COG5: variants seen among roughly 807,000 people sequenced by gnomAD.
COG5 encodes the protein component of oligomeric golgi complex 5.
Under a neutral mutation model 110.4 loss-of-function variants are expected in COG5, and 86 were observed. The ratio of observed to expected loss-of-function variants is 0.78; its 90% confidence interval spans 0.65 to 0.93. COG5 has a LOEUF of 0.93. Among genes scored for constraint, COG5 ranks in the 40% least tolerant of loss-of-function variants. COG5 has a pLI of 0.00. For synonymous variants in COG5, 360 were observed against 334.6 expected, an observed-to-expected ratio of 1.08 and a Z score of -0.83; for missense variants, 1,077 against 987.0, an observed-to-expected ratio of 1.09 and a Z score of -1.22.
At chr7:107,353,011 G>A (rs1812301971) in intron 10 of COG5, among the ~76,000 whole-genome samples, 1 of 152,148 alleles carries the variant, frequency 6.6e-6, no homozygotes, top group Non-Finnish European at 1.5e-5. Context: ...ATTAGACAGT[G>A]ATAATAAAAC....
chr7:107,210,675 C>T (rs189168150), intron 20 of COG5, 70 bp from the exon 21 acceptor site: 23 of 1,481,478 alleles, frequency 1.6e-5, no homozygotes, highest in Admixed American at 1.2e-4. Flanking sequence ...AGTGCTGGTT[C>T]GAAAAGCACT....
At chr7:107,405,702 G>C (rs1379879208) in intron 7 of COG5, among the ~76,000 whole-genome samples, 1 of 152,186 alleles carries the variant, frequency 6.6e-6, no homozygotes, top group Non-Finnish European at 1.5e-5. Context: ...GCAATAGTCT[G>C]AATGTTTGTG....
chr7:107,557,247 G>GGGAAA (rs1803391557), intron 2 of COG5, among the ~76,000 whole-genome samples: 1 of 151,946 alleles, frequency 6.6e-6, no homozygotes, highest in Non-Finnish European at 1.5e-5. Context: ...TATGTTTCCT[G>GGGAAA]GTAAACAATC....
intron 18 of COG5, among the ~76,000 whole-genome samples, chr7:107,234,628 C>T (rs1376083782): frequency 6.6e-6 from 1 of 151,990 alleles, no homozygotes; most frequent in East Asian, 1.9e-4. Context: ...AGTGCTGCCT[C>T]CAGGAAAGTG....
chr7:107,397,091 T>C (rs1329624248), intron 7 of COG5, among the ~76,000 whole-genome samples: 1 of 152,254 alleles, frequency 6.6e-6, no homozygotes, highest in East Asian at 1.9e-4. Flanking sequence ...TGTTGACAAT[T>C]CTGTTCCTCT....
chr7:107,442,194 A>G (rs1236560363), intron 6 of COG5, among the ~76,000 whole-genome samples: 2 of 152,136 alleles, frequency 1.3e-5, no homozygotes, highest in Non-Finnish European at 2.9e-5. Flanking sequence ...TTGGCTGTTT[A>G]AAAGTGTGCA....
intron 7 of COG5, among the ~76,000 whole-genome samples, chr7:107,398,073 G>T (rs1221450117): frequency 6.6e-6 from 1 of 152,010 alleles, no homozygotes; most frequent in Non-Finnish European, 1.5e-5. Flanking sequence ...GTAACCTTAG[G>T]TAGGCAAAAA....
intron 10 of COG5, among the ~76,000 whole-genome samples, chr7:107,350,510 C>T (rs1374475987): frequency 6.6e-6 from 1 of 152,136 alleles, no homozygotes; most frequent in Non-Finnish European, 1.5e-5. Flanking sequence ...ATTCTACTAT[C>T]TGAAATCCAT....
intron 19 of COG5, among the ~76,000 whole-genome samples, chr7:107,217,956 T>C (rs1341472930): frequency 6.6e-6 from 1 of 151,944 alleles, no homozygotes; most frequent in Non-Finnish European, 1.5e-5. Flanking sequence ...TTATCTTACA[T>C]ATCCAAAACC....
chr7:107,331,885 A>G (rs1053476931), intron 10 of COG5, among the ~76,000 whole-genome samples: 1 of 133,846 alleles, frequency 7.5e-6, no homozygotes, highest in African/African-American at 2.9e-5. Flanking sequence ...TCTGTTACCC[A>G]GGCTGGAGTA....
chr7:107,539,800 AAAC>A (rs1185182042), intron 5 of COG5, among the ~76,000 whole-genome samples: 2 of 152,212 alleles, frequency 1.3e-5, no homozygotes, highest in East Asian at 3.8e-4. Flanking sequence ...TTTCCATTTT[AAAC>A]AACTAGAAAA....
intron 6 of COG5, among the ~76,000 whole-genome samples, chr7:107,489,537 T>C (rs1381012345): frequency 6.6e-6 from 1 of 152,068 alleles, no homozygotes; most frequent in Admixed American, 6.6e-5. Flanking sequence ...TCTACCAGAG[T>C]ACAAGTTGAA....
rs1220003480 is a variant in COG5, at chr7:107,534,717, G to A, written c.418-7360C>T. ...AGATTTAGACTCCCAGACAGTAACA[G>A]TGGGAGACATTAACACCCCAATGTC... On this transcript the variant is annotated intron_variant, in intron 5 of 21. Coordinates refer to ENST00000297135, the MANE Select transcript of COG5 (RefSeq NM_006348.5). 3.3e-5 allele frequency among the ~76,000 whole-genome samples: 5 copies of A among 151,276 alleles called. 1 individual carries two copies. Among genetic ancestry groups the A allele is most frequent in the African/African-American group, 9.8e-5 (4 of 40,726 alleles).
In COG5 at chr7:107,203,132, G is replaced by A. The variant is rs771283784; in HGVS notation, c.*384C>T. On this transcript the variant is annotated 3_prime_UTR_variant, in exon 22 of 22. Transcript: ENST00000297135. ...AACCACTGAGCTACATGCTTATTTA[G>A]TGAAGAAGGCAGGGTTGGGGGAAGC... The A allele has an allele frequency of 1.2e-5, 3 of 243,974 alleles. No homozygotes were observed. Among genetic ancestry groups the A allele is most frequent in the African/African-American group, 2.3e-5 (1 of 44,396 alleles). The allele number at this position is 243,974 out of a possible 1,614,324, so 15.1% of individuals were successfully genotyped here. A position where few individuals can be genotyped will look rare whatever the true frequency, so the allele number is the denominator to read the frequency against.
chr7:107,362,032 CCTTAA>C lies in COG5; in HGVS notation c.1022_1026del (p.Val341GlyfsTer37). ...GTAAAAATATTTTCCTTTAAACATA[CCTTAA>C]CTATTTCTTCAATGAAACAAATGTG... On this transcript the variant is annotated frameshift_variant and splice_region_variant, in exon 10 of 22. Transcript: ENST00000297135. LOFTEE classifies it high-confidence loss of function. 3.2e-6 allele frequency: 5 copies of C among 1,584,816 alleles called. No individual in the cohort carries two copies. The highest frequency in any genetic ancestry group is 3.5e-6 in the Non-Finnish European group (4 of 1,155,614).
intron 1 of COG5, among the ~76,000 whole-genome samples, chr7:107,562,415 A>C (rs1262312340): frequency 3.3e-5 from 5 of 152,190 alleles, no homozygotes; most frequent in African/African-American, 4.8e-5. Context: ...GACATTTCCT[A>C]ACCAGTTTCC....
intron 5 of COG5, among the ~76,000 whole-genome samples, chr7:107,531,365 T>C (rs1226703762): frequency 6.6e-6 from 1 of 152,164 alleles, no homozygotes; most frequent in African/African-American, 2.4e-5. Flanking sequence ...TTCTCTCTTT[T>C]TGTGTTGAGT....
intron 6 of COG5, among the ~76,000 whole-genome samples, chr7:107,509,804 T>G (rs1444894338): frequency 6.6e-6 from 1 of 152,134 alleles, no homozygotes; most frequent in Non-Finnish European, 1.5e-5. Flanking sequence ...AAACTAAGCT[T>G]CATAAGTGAA....
At chr7:107,329,587 C>T (rs1275407978) in intron 10 of COG5, among the ~76,000 whole-genome samples, 1 of 152,022 alleles carries the variant, frequency 6.6e-6, no homozygotes, top group African/African-American at 2.4e-5. Flanking sequence ...TTTTAATTAT[C>T]AAACGGTAGT....
Sources: allele counts gnomAD v4.1 joint callset (sites outside exome capture counted in the v4.1 genomes callset), GRCh38; gene constraint gnomAD v4.1.1; transcripts MANE v1.5; gene names NCBI Gene and HGNC (gene_info 2026-07-23, HGNC 2026-07-21).